The following FHOD3 variants were observed in gnomAD, a reference collection of about 807,000 sequenced individuals.
FHOD3 encodes formin homology 2 domain containing 3, also known as FH1/FH2 domain-containing protein 3.
A neutral mutation model predicts 173.0 loss-of-function variants in FHOD3; 90 were observed. The observed-to-expected ratio is 0.52, with a 90% CI of 0.44 to 0.62. FHOD3 has a LOEUF of 0.62. FHOD3 is among the 20% of genes least tolerant of loss of function. The pLI is 0.00. For missense variants in FHOD3, 1,945 were observed against 2,034.7 expected (o/e 0.96, Z 0.85); for synonymous variants, 828 against 823.0 (o/e 1.01, Z -0.10).
chr18:36,649,546 A>G (rs2035912972), intron 11 of FHOD3, 141 bp downstream of exon 11: 1 of 543,242 alleles, frequency 1.8e-6, no homozygotes, highest in African/African-American at 1.9e-5. Flanking sequence ...TCACAGAGCC[A>G]CAGAACCACT....
intron 6 of FHOD3, among the ~76,000 whole-genome samples, chr18:36,584,295 C>T (rs2058954035): frequency 6.6e-6 from 1 of 152,134 alleles, no homozygotes; most frequent in Non-Finnish European, 1.5e-5. Flanking sequence ...ATGATGGGCT[C>T]AAGAAAAGTT....
At chr18:36,564,756 T>C (rs1267153466) in intron 5 of FHOD3, among the ~76,000 whole-genome samples, 1 of 151,930 alleles carries the variant, frequency 6.6e-6, no homozygotes, top group Non-Finnish European at 1.5e-5. Flanking sequence ...CCTTTGAGAG[T>C]TACTAAGAGT....
intron 1 of FHOD3, among the ~76,000 whole-genome samples, chr18:36,330,483 G>A (rs2044930927): frequency 6.6e-6 from 1 of 152,206 alleles, no homozygotes; most frequent in African/African-American, 2.4e-5. Flanking sequence ...CCTTCCTACA[G>A]TTAAGTTTCT....
chr18:36,775,636 A>G (rs2150439858), intron 28 of FHOD3, among the ~76,000 whole-genome samples: 1 of 152,326 alleles, frequency 6.6e-6, no homozygotes, highest in Admixed American at 6.5e-5. Flanking sequence ...GACTCATCTT[A>G]GTAGAGTCAC....
intron 4 of FHOD3, among the ~76,000 whole-genome samples, chr18:36,508,970 A>G (rs1259729976): frequency 6.6e-6 from 1 of 152,178 alleles, no homozygotes; most frequent in Non-Finnish European, 1.5e-5. Context: ...ACTACCATCA[A>G]TGATGCGGTC....
intron 27 of FHOD3, among the ~76,000 whole-genome samples, chr18:36,766,100 A>G (rs967208901): frequency 5.3e-5 from 8 of 152,284 alleles, no homozygotes; most frequent in Admixed American, 1.3e-4. Context: ...ATTGCCTCCT[A>G]TGGTGCAATG....
chr18:36,542,443 A>G (rs2057261167), intron 5 of FHOD3, among the ~76,000 whole-genome samples: 1 of 152,200 alleles, frequency 6.6e-6, no homozygotes, highest in South Asian at 2.1e-4. Context: ...AATATTTTCT[A>G]CAAGTCAAAA....
intron 3 of FHOD3, among the ~76,000 whole-genome samples, chr18:36,392,361 G>A (rs2048342238): frequency 6.6e-6 from 1 of 152,168 alleles, no homozygotes; most frequent in South Asian, 2.1e-4. Flanking sequence ...GGATTATAGT[G>A]AGAGCCGAGC....
intron 6 of FHOD3, among the ~76,000 whole-genome samples, chr18:36,594,195 A>G (rs900283885): frequency 1.3e-5 from 2 of 152,080 alleles, no homozygotes; most frequent in Admixed American, 6.6e-5. Context: ...TGCCTGTGTG[A>G]GGGAAGGCCT....
chr18:36,349,892 A>G (rs927928816), intron 1 of FHOD3, among the ~76,000 whole-genome samples: 3 of 151,976 alleles, frequency 2.0e-5, no homozygotes, highest in African/African-American at 7.3e-5. Context: ...GAGCCTCCTG[A>G]GTAGCTGGGA....
chr18:36,629,212 T>G (rs576985289), intron 10 of FHOD3, among the ~76,000 whole-genome samples: 1 of 152,342 alleles, frequency 6.6e-6, no homozygotes, highest in African/African-American at 2.4e-5. Context: ...CATGTTAAAC[T>G]TGGAGTACCA....
chr18:36,481,164 T>TGAAG (rs1432197382), intron 3 of FHOD3, among the ~76,000 whole-genome samples: 2 of 151,898 alleles, frequency 1.3e-5, no homozygotes, highest in African/African-American at 4.8e-5. Context: ...GCAACAGGAC[T>TGAAG]GAAGGAAGGA....
At chr18:36,447,052 G>A (rs1303645629) in intron 3 of FHOD3, among the ~76,000 whole-genome samples, 4 of 152,062 alleles carry the variant, frequency 2.6e-5, no homozygotes, top group Admixed American at 1.3e-4. Flanking sequence ...ATGGCACCTC[G>A]GCAACTCCTT....
intron 11 of FHOD3, among the ~76,000 whole-genome samples, chr18:36,651,750 C>CA (rs34364328): frequency 0.34 from 48,018 of 140,866 alleles, 8,012 homozygotes; most frequent in South Asian, 0.45. Context: ...AAACTCTGCT[C>CA]AAAAAAAAAA....
At chr18:36,306,656 A>C (rs2092107980) in intron 1 of FHOD3, among the ~76,000 whole-genome samples, 1 of 152,174 alleles carries the variant, frequency 6.6e-6, no homozygotes, top group African/African-American at 2.4e-5. Flanking sequence ...TAGTTGGTCC[A>C]CTTCTCCATG....
At chr18:36,756,787 T>C (rs151003288) in intron 25 of FHOD3, among the ~76,000 whole-genome samples, 21 of 152,350 alleles carry the variant, frequency 1.4e-4, no homozygotes, top group African/African-American at 5.1e-4. Context: ...AGGTCACTTT[T>C]GTGCAGAAGG....
intron 28 of FHOD3, among the ~76,000 whole-genome samples, chr18:36,769,986 A>G (rs774625681): frequency 6.6e-6 from 1 of 152,208 alleles, no homozygotes; most frequent in Non-Finnish European, 1.5e-5. Flanking sequence ...TAGAGGATTC[A>G]ACTAAATCAA....
At chr18:36,764,532 T>C (rs1252231754) in intron 27 of FHOD3, among the ~76,000 whole-genome samples, 1 of 152,020 alleles carries the variant, frequency 6.6e-6, no homozygotes, top group African/African-American at 2.4e-5. Flanking sequence ...CCCTGTGTCT[T>C]GGTGGATGCA....
At chr18:36,473,391 G>A (rs1394710617) in intron 3 of FHOD3, among the ~76,000 whole-genome samples, 1 of 152,234 alleles carries the variant, frequency 6.6e-6, no homozygotes, top group Non-Finnish European at 1.5e-5. Flanking sequence ...TCCAGCCTGG[G>A]TGACAGAGTG....
Sources: gnomAD v4.1 joint callset for allele counts (sites outside exome capture counted in the v4.1 genomes callset) on GRCh38, gnomAD v4.1.1 for gene constraint, MANE v1.5 for transcripts, NCBI Gene and HGNC (gene_info 2026-07-23, HGNC 2026-07-21) for gene names.